The following DAAM2 variants were observed in gnomAD, a reference collection of about 807,000 sequenced individuals.
DAAM2 encodes dishevelled associated activator of morphogenesis 2.
A neutral mutation model predicts 120.7 loss-of-function variants in DAAM2; 39 were observed. That is an observed-to-expected ratio of 0.32 (90% CI 0.25 to 0.42). DAAM2 has a LOEUF of 0.42. DAAM2 is among the 10% of genes least tolerant of loss of function. The pLI, the probability that DAAM2 is intolerant of heterozygous loss-of-function variation, is 1.00. For missense variants in DAAM2, 1,283 were observed against 1,401.7 expected (o/e 0.92, Z 1.35); for synonymous variants, 488 against 524.9 (o/e 0.93, Z 0.96).
At chr6:39,803,938 G>A (rs552479640) in intron 1 of DAAM2, among the ~76,000 whole-genome samples, 1 of 152,180 alleles carries the variant, frequency 6.6e-6, no homozygotes, top group Non-Finnish European at 1.5e-5. Flanking sequence ...GAGTGAAAGG[G>A]GCATTAACTG....
chr6:39,891,653 C>T lies in DAAM2; in HGVS notation c.2272C>T (p.Arg758Ter), dbSNP rs1214902987. ...EMSRIDHYQQ[R>*]LQALFFKKKF... is the part of the protein sequence containing the mutation. ...CTACAGGATTGACCACTACCAGCAG[C>T]GACTGCAAGCCCTCTTCTTCAAGAA... is the stretch of plus-strand genomic sequence containing the variant. Residue 758 changes from arginine to a stop codon, truncating the protein, a stop_gained, in exon 19 of 25, where the codon CGA (arginine) becomes TGA (stop). Transcript: ENST00000274867. LOFTEE classifies it high-confidence loss of function. The T allele has an allele frequency of 3.1e-6, 5 of 1,611,376 alleles. No individual in the cohort carries two copies. The highest frequency in any genetic ancestry group is 4.2e-6 in the Non-Finnish European group (5 of 1,178,760).
chr6:39,873,518 C>T (rs1029977694), intron 10 of DAAM2, among the ~76,000 whole-genome samples, 163 bp downstream of exon 10: 3 of 152,242 alleles, frequency 2.0e-5, no homozygotes, highest in African/African-American at 7.2e-5. Flanking sequence ...CCCTGCTTTT[C>T]CTTCCCTCCT....
At chr6:39,812,617 ATTC>A (rs70984147) in intron 1 of DAAM2, among the ~76,000 whole-genome samples, 43,911 of 151,474 alleles carry the variant, frequency 0.29, 7,178 homozygotes, top group South Asian at 0.38. Flanking sequence ...TCAGCCTTCT[ATTC>A]TTAGTGTGGA....
In DAAM2 at chr6:39,830,097, CTG is replaced by C. The variant is rs747357188; in HGVS notation, c.-56-26146_-56-26145del. On this transcript the variant is annotated intron_variant, in intron 1 of 24. Coordinates refer to ENST00000274867, the MANE Select transcript of DAAM2 (RefSeq NM_001201427.2). ...GACTGGGAGATTTTTACAATCAGGT[CTG>C]TGTTTTATTCACTGCCGCATCCTAC... Among the ~76,000 whole-genome samples the C allele has an allele frequency of 7.2e-5, 11 of 152,118 alleles. No individual in the cohort carries two copies. In the East Asian group the frequency reaches 1.2e-3, roughly 16 times the overall value.
chr6:39,793,255 ATGGCCACGG>A (rs1476060847), intron 1 of DAAM2: 1 of 151,486 alleles, frequency 6.6e-6, no homozygotes, highest in Non-Finnish European at 1.5e-5. Flanking sequence ...GTTCTGCCAC[ATGGCCACGG>A]TGAGGTACGT....
chr6:39,861,247 G>A (rs1461613374), intron 3 of DAAM2: 3 of 589,610 alleles, frequency 5.1e-6, no homozygotes, highest in South Asian at 3.3e-5. Flanking sequence ...AGGACCTGCT[G>A]CATCCCAGGA....
rs191745529 is a variant in DAAM2, at chr6:39,900,333, C to T, written c.2811+125C>T. The stretch of plus-strand genomic sequence containing the variant: ...GAGTTACAGAGCTTTGAGAGAAAAC[C>T]GTTTCTTCGCTCTTAACAAGACAAG... On this transcript the variant is annotated intron_variant, in intron 23 of 24. Transcript: ENST00000274867. 7,967 of 1,107,824 alleles carry T rather than the reference C, an allele frequency of 7.2e-3. 35 individuals carry two copies. Among genetic ancestry groups the T allele is most frequent in the Non-Finnish European group, 9.0e-3 (7,136 of 795,364 alleles). 68.6% of individuals were successfully genotyped at this position (1,107,824 alleles called of 1,614,324 possible).
chr6:39,798,515 G>A (rs1474335848), intron 1 of DAAM2, among the ~76,000 whole-genome samples: 1 of 152,178 alleles, frequency 6.6e-6, no homozygotes, highest in Non-Finnish European at 1.5e-5. Context: ...TGTGAAGAAA[G>A]ACTAATGTGA....
At chr6:39,880,471 C>G (rs1257683182) in intron 14 of DAAM2, among the ~76,000 whole-genome samples, 1 of 152,162 alleles carries the variant, frequency 6.6e-6, no homozygotes, top group Non-Finnish European at 1.5e-5. Context: ...AAGCTTTGTG[C>G]TGGGGGCTAT....
At chr6:39,833,346 C>T (rs1424645796) in intron 1 of DAAM2, among the ~76,000 whole-genome samples, 2 of 151,996 alleles carry the variant, frequency 1.3e-5, no homozygotes, top group Admixed American at 1.3e-4. Context: ...GCTCTGTCGC[C>T]CAGGCTGGAA....
chr6:39,879,120 A>T (rs1481324207), intron 13 of DAAM2, 58 bp from the exon 14 acceptor site: 2 of 1,106,748 alleles, frequency 1.8e-6, no homozygotes, highest in African/African-American at 3.1e-5. Context: ...ATGGTGGGAG[A>T]CCTGAATGGC....
chr6:39,896,889 A>G lies in DAAM2; in HGVS notation c.2419A>G (p.Asn807Asp). The change falls in exon 20 of 25, where the codon AAC (asparagine) becomes GAC (aspartate). Residue 807 changes from asparagine to aspartate, a missense_variant. Around this residue, in one of 3 missense-constraint regions of DAAM2, gnomAD observed 748 missense variants for 768.6 expected, o/e 0.97. Coordinates refer to ENST00000274867, the MANE Select transcript of DAAM2 (RefSeq NM_001201427.2). The stretch of plus-strand genomic sequence containing the variant: ...GCTAGAGGTCATCCTAGCCATAGGC[A>G]ACTTCATGAACAAAGGGCAGCGTGG... ...QMLEVILAIG[N>D]FMNKGQRGGA... The G allele has an allele frequency of 6.2e-7, 1 of 1,613,758 alleles. No homozygotes were observed. Among genetic ancestry groups the G allele is most frequent in the Non-Finnish European group, 8.5e-7 (1 of 1,179,788 alleles).
chr6:39,896,643 T>G (rs1433467332), intron 19 of DAAM2, among the ~76,000 whole-genome samples, 169 bp from the exon 20 acceptor site: 1 of 152,204 alleles, frequency 6.6e-6, no homozygotes, highest in Non-Finnish European at 1.5e-5. Flanking sequence ...TGGGTGAATG[T>G]GAAATCGATG....
Position 39,861,010 on chromosome 6 carries a change from A to C in DAAM2, c.251A>C (p.Lys84Thr), listed in dbSNP as rs1315311889. 6.2e-7 allele frequency: 1 copy of C among 1,610,382 alleles called. No individual in the cohort carries two copies. The highest frequency in any genetic ancestry group is 1.7e-5 in the Admixed American group (1 of 59,652). Reference protein sequence around the residue: ...PEKKWQIYCSKKKEQEDPNKL... With the variant: ...PEKKWQIYCSTKKEQEDPNKL... ...AAGAAATGGCAGATCTACTGCAGCA[A>C]GAAGAAGGTGCCCTCTCTGACCCCT... The change falls in exon 3 of 25, where the codon AAG (lysine) becomes ACG (threonine). Residue 84 changes from lysine (K) to threonine (T), a missense_variant. Lys to Thr is a moderately conservative substitution (Grantham distance 78, BLOSUM62 -1). Around this residue, in one of 3 missense-constraint regions of DAAM2, gnomAD observed 197 missense variants for 189.3 expected, o/e 1.04. Coordinates refer to ENST00000274867, the MANE Select transcript of DAAM2 (RefSeq NM_001201427.2).
Position 39,878,228 on chromosome 6 carries a change from C to G in DAAM2, c.1327C>G (p.Gln443Glu). The change falls in exon 12 of 25, where the codon CAG becomes GAG. Residue 443 changes from glutamine to glutamate, a missense_variant. By Grantham distance (29) the Gln-to-Glu change is conservative. Around this residue, in one of 3 missense-constraint regions of DAAM2, gnomAD observed 338 missense variants for 443.9 expected, o/e 0.76. Coordinates refer to ENST00000274867, the MANE Select transcript of DAAM2 (RefSeq NM_001201427.2). The surrounding 1 kb of genome is among the most constrained non-coding windows in gnomAD (Gnocchi z 5.0). ...GCTCATCAACGAGAATGAAGTGAAACAGTGGCGAGACCAGGCAGAGAAGTT... is the reference window on the plus strand; with the variant it reads ...GCTCATCAACGAGAATGAAGTGAAAGAGTGGCGAGACCAGGCAGAGAAGTT... ...NMLINENEVK[Q>E]WRDQAEKFRK... 6.2e-7 allele frequency: 1 copy of G among 1,614,026 alleles called. No homozygotes were observed. The highest frequency in any genetic ancestry group is 1.1e-5 in the South Asian group (1 of 91,082).
chr6:39,817,743 G>A (rs559105302), intron 1 of DAAM2, among the ~76,000 whole-genome samples: 106 of 152,280 alleles, frequency 7.0e-4, no homozygotes, highest in African/African-American at 2.4e-3. Flanking sequence ...GGCAGTCTAG[G>A]GGTAGAGTTC....
At chr6:39,836,066 CAT>C (rs1763089904) in intron 1 of DAAM2, among the ~76,000 whole-genome samples, 1 of 152,070 alleles carries the variant, frequency 6.6e-6, no homozygotes. Context: ...GGAGGGGAAA[CAT>C]ATATTGCAAG....
chr6:39,851,699 G>T (rs575263598), intron 1 of DAAM2, among the ~76,000 whole-genome samples: 4 of 152,306 alleles, frequency 2.6e-5, no homozygotes, highest in East Asian at 3.9e-4. Flanking sequence ...AGAGCAATGT[G>T]GGGGAAGCGC....
intron 11 of DAAM2, among the ~76,000 whole-genome samples, chr6:39,875,866 C>G (rs973845908): frequency 6.6e-5 from 10 of 152,206 alleles, no homozygotes; most frequent in African/African-American, 9.6e-5. Context: ...AACACATTAA[C>G]GTAGAACAAG....
Sources: allele counts gnomAD v4.1 joint callset (sites outside exome capture counted in the v4.1 genomes callset), GRCh38; gene constraint gnomAD v4.1.1; regional missense constraint gnomAD v4.1.1; non-coding constraint Gnocchi (gnomAD v3.1); transcripts MANE v1.5; gene names NCBI Gene and HGNC (gene_info 2026-07-23, HGNC 2026-07-21).